WDR64: variants seen among roughly 807,000 people sequenced by gnomAD.
WDR64 encodes the protein WD repeat domain 64.
Under a neutral mutation model 139.3 loss-of-function variants are expected in WDR64, and 112 were observed. The ratio of observed to expected loss-of-function variants is 0.80; its 90% confidence interval spans 0.69 to 0.94. The LOEUF (loss-of-function observed/expected upper bound fraction) is 0.94, where lower values mean the gene tolerates loss of function less well. Ranked by LOEUF, WDR64 falls within the 40% of genes least tolerant of loss-of-function variation. The pLI is 0.00. For missense variants in WDR64, 1,206 were observed against 1,293.1 expected (o/e 0.93, Z 1.03); for synonymous variants, 444 against 437.7 (o/e 1.01, Z -0.18).
At chr1:241,658,842 T>G (rs931651832) in intron 1 of WDR64, among the ~76,000 whole-genome samples, 2 of 152,028 alleles carry the variant, frequency 1.3e-5, no homozygotes, top group African/African-American at 4.8e-5. Flanking sequence ...AGTAAAATAT[T>G]TTCTTCTTAT....
chr1:241,669,043 G>A (rs1040282960), intron 2 of WDR64, among the ~76,000 whole-genome samples: 4 of 152,076 alleles, frequency 2.6e-5, no homozygotes, highest in East Asian at 1.9e-4. Context: ...GTTTTAAAAC[G>A]ATTACTATAT....
intron 14 of WDR64, among the ~76,000 whole-genome samples, chr1:241,751,378 T>C (rs1404622102): frequency 6.6e-6 from 1 of 152,200 alleles, no homozygotes; most frequent in Non-Finnish European, 1.5e-5. Context: ...CAGGTGGAAG[T>C]TGGAGCTGAG....
At chr1:241,714,730 G>A (rs1412049189) in intron 9 of WDR64, among the ~76,000 whole-genome samples, 1 of 152,138 alleles carries the variant, frequency 6.6e-6, no homozygotes, top group Non-Finnish European at 1.5e-5. Context: ...CTATTGGCAA[G>A]CACAACAAAT....
intron 10 of WDR64, among the ~76,000 whole-genome samples, chr1:241,726,350 G>A (rs143062685): frequency 0.051 from 7,746 of 152,040 alleles, 684 homozygotes; most frequent in African/African-American, 0.18. Flanking sequence ...TGGGAGGATC[G>A]CTTGAGCCCA....
intron 2 of WDR64, among the ~76,000 whole-genome samples, chr1:241,667,539 T>A (rs1244054863): frequency 6.6e-6 from 1 of 151,968 alleles, no homozygotes; most frequent in East Asian, 1.9e-4. Context: ...CTCATATGAG[T>A]CCTTAGAAAC....
intron 20 of WDR64, among the ~76,000 whole-genome samples, chr1:241,774,635 T>C (rs1658579756): frequency 6.6e-6 from 1 of 152,140 alleles, no homozygotes; most frequent in Non-Finnish European, 1.5e-5. Context: ...AATAAATATT[T>C]CTGAAGAGGC....
chr1:241,660,365 T>C (rs750964138), intron 1 of WDR64, among the ~76,000 whole-genome samples, 165 bp from the exon 2 acceptor site: 1 of 152,222 alleles, frequency 6.6e-6, no homozygotes, highest in Non-Finnish European at 1.5e-5. Context: ...GCTTTGTTCT[T>C]TTTGCTTAGG....
At chr1:241,745,487 C>T (rs553441802) in intron 13 of WDR64, among the ~76,000 whole-genome samples, 2 of 151,138 alleles carry the variant, frequency 1.3e-5, no homozygotes, top group East Asian at 3.9e-4. Flanking sequence ...TTAAGCAATT[C>T]AATATATGAC....
At chr1:241,699,797 GAGAGA>G (rs765649943) in intron 8 of WDR64, among the ~76,000 whole-genome samples, 2 of 152,298 alleles carry the variant, frequency 1.3e-5, no homozygotes, top group African/African-American at 2.4e-5. Context: ...AGAACTGAGT[GAGAGA>G]AGAGTTGGGA....
chr1:241,674,567 T>A, intron 3 of WDR64, 77 bp from the exon 4 acceptor site: 3 of 958,570 alleles, frequency 3.1e-6, no homozygotes, highest in Admixed American at 2.6e-5. Flanking sequence ...ATATCATTTT[T>A]TAAAAAAACA....
At chr1:241,679,654 T>C (rs1335975460) in intron 6 of WDR64, 59 bp downstream of exon 6, 1 of 1,383,630 alleles carries the variant, frequency 7.2e-7, no homozygotes, top group African/African-American at 1.4e-5. Flanking sequence ...AGTGGTACGA[T>C]ATGAGCAATC....
chr1:241,782,006 G>C (rs1161434294), intron 22 of WDR64, among the ~76,000 whole-genome samples: 1 of 152,236 alleles, frequency 6.6e-6, no homozygotes, highest in Non-Finnish European at 1.5e-5. Flanking sequence ...TAAGAAGTAG[G>C]CCAGACACGG....
chr1:241,686,102 T>C (rs577021518), intron 7 of WDR64, among the ~76,000 whole-genome samples: 1 of 152,230 alleles, frequency 6.6e-6, no homozygotes, highest in Non-Finnish European at 1.5e-5. Flanking sequence ...GATTTAATCA[T>C]GCAGATGATT....
intron 4 of WDR64, chr1:241,677,428 C>T (rs1383881694): frequency 2.5e-6 from 1 of 398,456 alleles, no homozygotes; most frequent in Non-Finnish European, 4.4e-6. Flanking sequence ...AGTGATCTCT[C>T]TGATCTACTT....
chr1:241,717,337 C>A lies in WDR64; in HGVS notation c.1054+5456C>A, dbSNP rs1375856760. Among the ~76,000 whole-genome samples, 3 of 152,030 alleles carry A rather than the reference C, an allele frequency of 2.0e-5. No individual in the cohort carries two copies. In the East Asian group the frequency reaches 5.8e-4, roughly 29 times the overall value. ...ATAATTTTACATGAGGAAATCGAGA[C>A]CCCAGACAAGTCGCACAACTAGTTA... On this transcript the variant is annotated intron_variant, in intron 9 of 27. Transcript: ENST00000437684.
chr1:241,695,946 G>A (rs1045938192), intron 8 of WDR64, among the ~76,000 whole-genome samples: 14 of 151,004 alleles, frequency 9.3e-5, no homozygotes, highest in African/African-American at 2.4e-4. Flanking sequence ...AGATCCTGTC[G>A]CTACAAATAA....
chr1:241,677,654 C>A (rs1666606425), intron 4 of WDR64, among the ~76,000 whole-genome samples: 1 of 152,106 alleles, frequency 6.6e-6, no homozygotes, highest in African/African-American at 2.4e-5. Context: ...TGGTATAGTA[C>A]CCAATGCATG....
intron 6 of WDR64, among the ~76,000 whole-genome samples, chr1:241,682,095 G>T (rs572641114): frequency 6.6e-6 from 1 of 152,160 alleles, no homozygotes; most frequent in East Asian, 1.9e-4. Context: ...TACTCTGCTG[G>T]CTTCTTTTTG....
intron 11 of WDR64, 34 bp from the exon 12 acceptor site, chr1:241,741,482 T>C (rs1669536613): frequency 3.2e-6 from 5 of 1,562,626 alleles, no homozygotes; most frequent in African/African-American, 1.4e-5. Context: ...ACTTCTAATA[T>C]TGCATATTTA....
Sources: allele counts gnomAD v4.1 joint callset (sites outside exome capture counted in the v4.1 genomes callset), GRCh38; gene constraint gnomAD v4.1.1; transcripts MANE v1.5; gene names NCBI Gene and HGNC (gene_info 2026-07-23, HGNC 2026-07-21).